Variants in MAP2 observed in about 807,000 individuals in gnomAD.
MAP2 encodes the protein microtubule-associated protein 2.
MAP2 carries 14 observed loss-of-function variants against 137.6 expected under a neutral mutation model. That is an observed-to-expected ratio of 0.10 (90% confidence interval 0.07 to 0.16). The LOEUF (loss-of-function observed/expected upper bound fraction) is 0.16. Among genes scored for constraint, MAP2 ranks in the 10% least tolerant of loss-of-function variants. The pLI, the probability that MAP2 is intolerant of heterozygous loss-of-function variation, is 1.00. For synonymous variants in MAP2, 786 were observed against 782.3 expected (o/e 1.00, Z -0.08); for missense variants, 2,088 against 2,191.5 (o/e 0.95, Z 0.94).
At chr2:209,660,486 C>T (rs1413789601) in intron 5 of MAP2, among the ~76,000 whole-genome samples, 5 of 145,310 alleles carry the variant, frequency 3.4e-5, no homozygotes, top group East Asian at 2.0e-4. Flanking sequence ...CTCCGCCTCC[C>T]GGGTTCACGC....
At chr2:209,591,613 CAA>C (rs2079272129) in intron 3 of MAP2, among the ~76,000 whole-genome samples, 1 of 152,122 alleles carries the variant, frequency 6.6e-6, no homozygotes, top group Admixed American at 6.5e-5. Flanking sequence ...ACAAGCCAAA[CAA>C]GAGGACCAAA....
At chr2:209,444,244 T>C (rs1220090941) in intron 1 of MAP2, among the ~76,000 whole-genome samples, 1 of 151,504 alleles carries the variant, frequency 6.6e-6, no homozygotes, top group African/African-American at 2.4e-5. Context: ...TTTAATTCTT[T>C]CTCGGGGACT....
chr2:209,512,274 T>C (rs2061826804), intron 2 of MAP2, among the ~76,000 whole-genome samples: 1 of 152,020 alleles, frequency 6.6e-6, no homozygotes, highest in Non-Finnish European at 1.5e-5. Context: ...TTGTGTCTGA[T>C]AAATATGTAA....
intron 1 of MAP2, among the ~76,000 whole-genome samples, chr2:209,429,730 C>T (rs1693726536): frequency 6.6e-6 from 1 of 152,138 alleles, no homozygotes; most frequent in Non-Finnish European, 1.5e-5. Context: ...ACAAAACCAT[C>T]ATTTCAATAT....
At chr2:209,697,097 T>A (rs767975581) in intron 10 of MAP2, 46 bp downstream of exon 10, 2 of 1,283,294 alleles carry the variant, frequency 1.6e-6, no homozygotes, top group South Asian at 3.4e-5. Flanking sequence ...TAGACATGTA[T>A]TTTTTTTTTA....
intron 4 of MAP2, among the ~76,000 whole-genome samples, chr2:209,638,995 T>A (rs1241276102): frequency 6.6e-6 from 1 of 152,150 alleles, no homozygotes; most frequent in Non-Finnish European, 1.5e-5. Context: ...TCATTATCAA[T>A]CCATTAACTT....
At chr2:209,513,556 G>T (rs543578127) in intron 2 of MAP2, among the ~76,000 whole-genome samples, 506 of 106,682 alleles carry the variant, frequency 4.7e-3, no homozygotes, top group Non-Finnish European at 8.5e-3. Flanking sequence ...ACATATATGT[G>T]CGTATATGTG....
intron 1 of MAP2, among the ~76,000 whole-genome samples, chr2:209,451,313 C>G (rs1700253548): frequency 2.6e-5 from 4 of 152,230 alleles, no homozygotes; most frequent in Non-Finnish European, 4.4e-5. Flanking sequence ...TGCTGCTCCT[C>G]TGGCTTCCTG....
chr2:209,444,607 A>G (rs1201003937), intron 1 of MAP2, among the ~76,000 whole-genome samples: 4 of 151,570 alleles, frequency 2.6e-5, no homozygotes, highest in Non-Finnish European at 5.9e-5. Flanking sequence ...ATATTTTGTC[A>G]GAGGGAAAAT....
At chr2:209,468,955 C>T (rs1348487082) in intron 1 of MAP2, among the ~76,000 whole-genome samples, 2 of 152,082 alleles carry the variant, frequency 1.3e-5, no homozygotes, top group Non-Finnish European at 2.9e-5. Flanking sequence ...CTTCCAGCTT[C>T]CAGGATAACA....
At position 209,730,391 on chromosome 2, in the gene MAP2, C is replaced by G; in HGVS notation, c.5478C>G (p.Gly1826=). 1.9e-6 allele frequency: 3 copies of G among 1,611,956 alleles called. No homozygotes were observed. Among genetic ancestry groups the G allele is most frequent in the Non-Finnish European group, 2.5e-6 (3 of 1,178,364 alleles). ...TCACTGCTGCACTCGCTAAGCAGGG[C>G]TTGTGAATATTTCTCATTTAGCATT... ...EDVTAALAKQ[G]L is the part of the protein sequence containing the mutation. The change falls in exon 16 of 16, where the codon GGC becomes GGG. Residue 1826 remains glycine, a synonymous_variant. Coordinates refer to ENST00000682079, the MANE Select transcript of MAP2 (RefSeq NM_001375505.1).
At chr2:209,724,507 G>A (rs764601974) in intron 13 of MAP2, among the ~76,000 whole-genome samples, 15 of 151,984 alleles carry the variant, frequency 9.9e-5, no homozygotes, top group Non-Finnish European at 1.8e-4. Flanking sequence ...ACAGGGTGTC[G>A]AGTCTAGAAT....
chr2:209,435,948 T>TATATATACAGTATATAATATATATA (rs1559159090), intron 1 of MAP2, among the ~76,000 whole-genome samples: 48 of 56,136 alleles, frequency 8.6e-4, no homozygotes, highest in African/African-American at 1.8e-3. Flanking sequence ...TAATATATAC[T>TATATATACAGTATATAATATATATA]ATATATACAG....
intron 5 of MAP2, among the ~76,000 whole-genome samples, chr2:209,668,139 A>G (rs1273704829): frequency 1.3e-5 from 2 of 152,200 alleles, no homozygotes; most frequent in East Asian, 3.9e-4. Context: ...GCTTCTAGAT[A>G]TCATTTCTAT....
chr2:209,733,900 A>G lies in MAP2; in HGVS notation c.*3503A>G, dbSNP rs946600594. 10 of 152,624 alleles carry G rather than the reference A, an allele frequency of 6.6e-5. No individual in the cohort carries two copies. The highest frequency in any genetic ancestry group is 2.4e-4 in the African/African-American group (10 of 41,454). The allele number at this position is 152,624 out of a possible 1,614,324, so 9.5% of individuals were successfully genotyped here. ...CAAAAAGAAAAAAAAATCAACAAAA[A>G]GTATACTCTGTATGCTGGGATTCCG... is the stretch of plus-strand genomic sequence containing the variant. On this transcript the variant is annotated 3_prime_UTR_variant, in exon 16 of 16. Transcript: ENST00000682079.
chr2:209,501,365 T>C (rs17237719), intron 1 of MAP2, among the ~76,000 whole-genome samples: 9,485 of 152,234 alleles, frequency 0.062, 361 homozygotes, highest in South Asian at 0.092. Flanking sequence ...TCAGGCCTAT[T>C]TGAGTTTGAC....
chr2:209,511,680 C>A (rs1425733566), intron 2 of MAP2, among the ~76,000 whole-genome samples: 1 of 152,008 alleles, frequency 6.6e-6, no homozygotes, highest in African/African-American at 2.4e-5. Context: ...AAGTTGTCCT[C>A]TCATCTCAGC....
intron 2 of MAP2, among the ~76,000 whole-genome samples, chr2:209,574,074 A>T (rs764979063): frequency 2.6e-5 from 4 of 151,988 alleles, no homozygotes; most frequent in Non-Finnish European, 4.4e-5. Context: ...GTACCATGTG[A>T]TGTTTATTTG....
At chr2:209,642,974 A>G (rs2094147381) in intron 4 of MAP2, among the ~76,000 whole-genome samples, 1 of 152,166 alleles carries the variant, frequency 6.6e-6, no homozygotes, top group South Asian at 2.1e-4. Context: ...TTGAGCCTAC[A>G]TGGAAAAGAG....
Sources: allele counts gnomAD v4.1 joint callset (sites outside exome capture counted in the v4.1 genomes callset), GRCh38; gene constraint gnomAD v4.1.1; transcripts MANE v1.5; gene names NCBI Gene and HGNC (gene_info 2026-07-23, HGNC 2026-07-21).